The following ENDOD1 variants were observed in gnomAD, a reference collection of about 807,000 sequenced individuals.
The protein encoded by ENDOD1 is endonuclease domain containing 1, also known as endonuclease domain-containing 1 protein.
A neutral mutation model predicts 6.5 loss-of-function variants in ENDOD1; 9 were observed. The ratio of observed to expected loss-of-function variants is 1.39; its 90% CI spans 0.84 to 2.43. ENDOD1 has a LOEUF of 2.43. Ranked by LOEUF, ENDOD1 falls within the 30% of genes most tolerant of loss-of-function variation. The probability of loss-of-function intolerance (pLI) is 0.00; values close to 1 mark genes in which losing one functional copy is unlikely to be tolerated. For synonymous variants in ENDOD1, 255 were observed against 255.2 expected (o/e 1.00, Z 0.01); for missense variants, 648 against 635.5 (o/e 1.02, Z -0.21).
Position 95,129,082 on chromosome 11 carries a change from G to A in ENDOD1, c.1006G>A (p.Ala336Thr). The stretch of plus-strand genomic sequence containing the variant: ...TTTGGGAAAACTCATGGGCTTCATT[G>A]CTACCCCATTCATCAAGCTTTTTCA... ...SFLGKLMGFI[A>T]TPFIKLFQLI... The change falls in exon 2 of 2, where the codon GCT becomes ACT. Residue 336 changes from alanine (A) to threonine (T), a missense_variant. By Grantham distance (58) the Ala-to-Thr change is moderately conservative. Coordinates refer to ENST00000278505, the MANE Select transcript of ENDOD1 (RefSeq NM_015036.3). 3 of 1,614,086 alleles carry A rather than the reference G, an allele frequency of 1.9e-6. No homozygotes were observed. The highest frequency in any genetic ancestry group is 1.1e-5 in the South Asian group (1 of 91,084).
At chr11:95,094,231 ATTATC>A (rs1269762065) in intron 1 of ENDOD1, among the ~76,000 whole-genome samples, 1 of 151,590 alleles carries the variant, frequency 6.6e-6, no homozygotes, top group Non-Finnish European at 1.5e-5. Flanking sequence ...TGAGGTAGAT[ATTATC>A]TTCATTGTAG....
In ENDOD1 at chr11:95,127,138, G is replaced by T. The variant is rs142254749; in HGVS notation, c.301-1239G>T. 5.1e-3 allele frequency among the ~76,000 whole-genome samples: 774 copies of T among 152,320 alleles called. 10 individuals carry two copies. The highest frequency in any genetic ancestry group is 5.2e-3 in the Non-Finnish European group (356 of 68,032). Reference sequence around the variant, plus strand: ...ATAAAGATCAACAAGAATGCCTTGAGATTCTAGTATGTGTCAGGCCTTGGG... The same window carrying T: ...ATAAAGATCAACAAGAATGCCTTGATATTCTAGTATGTGTCAGGCCTTGGG... On this transcript the variant is annotated intron_variant, in intron 1 of 1. Transcript: ENST00000278505.
chr11:95,103,597 C>G (rs1384257989), intron 1 of ENDOD1, among the ~76,000 whole-genome samples: 1 of 152,206 alleles, frequency 6.6e-6, no homozygotes, highest in Non-Finnish European at 1.5e-5. Flanking sequence ...CTCTCTCTCA[C>G]TAGATTGTTA....
intron 1 of ENDOD1, among the ~76,000 whole-genome samples, chr11:95,107,488 G>C (rs1859100780): frequency 6.6e-6 from 1 of 152,126 alleles, no homozygotes. Flanking sequence ...CAATGTAAGG[G>C]ACTCCTCTGA....
At chr11:95,113,374 G>A (rs943596977) in intron 1 of ENDOD1, among the ~76,000 whole-genome samples, 6 of 151,698 alleles carry the variant, frequency 4.0e-5, no homozygotes, top group Admixed American at 1.3e-4. Context: ...CCCATTAACC[G>A]TCTCCACCTC....
In ENDOD1 at chr11:95,095,902, C is replaced by T. The variant is rs572483652; in HGVS notation, c.300+5675C>T. Among the ~76,000 whole-genome samples the T allele has an allele frequency of 2.6e-5, 4 of 152,278 alleles. No individual in the cohort carries two copies. The South Asian group carries it at 8.3e-4, about 32-fold the overall frequency. ...TAACTAAAATGTTAGTTTTTTCTCT[C>T]CAGAATCCAAACTGGCTGACTAGAC... On this transcript the variant is annotated intron_variant, in intron 1 of 1. Coordinates refer to ENST00000278505, the MANE Select transcript of ENDOD1 (RefSeq NM_015036.3).
chr11:95,096,227 C>CTTT (rs10660230), intron 1 of ENDOD1, among the ~76,000 whole-genome samples: 24,738 of 49,938 alleles, frequency 0.5, 10,581 homozygotes, highest in Middle Eastern at 0.61. Context: ...GTCAAGAAAG[C>CTTT]TTTTTTTTTT....
chr11:95,131,107 G>A lies in ENDOD1; in HGVS notation c.*1528G>A, dbSNP rs1025765484. The stretch of plus-strand genomic sequence containing the variant: ...GAGTTACATTTTGCAGAAAAATAGC[G>A]GAGGCACACCCAGAGTAGAACAGCA... On this transcript the variant is annotated 3_prime_UTR_variant, in exon 2 of 2. Coordinates refer to ENST00000278505, the MANE Select transcript of ENDOD1 (RefSeq NM_015036.3). 4 of 152,228 alleles carry A rather than the reference G, an allele frequency of 2.6e-5. No homozygotes were observed. Among genetic ancestry groups the A allele is most frequent in the African/African-American group, 4.8e-5 (2 of 41,448 alleles). The allele number at this position is 152,228 out of a possible 1,614,324, so 9.4% of individuals were successfully genotyped here. A position where few individuals can be genotyped will look rare whatever the true frequency, so the allele number is the denominator to read the frequency against.
chr11:95,095,221 A>G (rs1191901522), intron 1 of ENDOD1, among the ~76,000 whole-genome samples: 1 of 152,256 alleles, frequency 6.6e-6, no homozygotes, highest in Non-Finnish European at 1.5e-5. Flanking sequence ...GAGAGATGAA[A>G]TGTGTGGAAG....
intron 1 of ENDOD1, among the ~76,000 whole-genome samples, chr11:95,113,821 T>G (rs1370213150): frequency 6.6e-6 from 1 of 152,202 alleles, no homozygotes; most frequent in Non-Finnish European, 1.5e-5. Flanking sequence ...TTGTTCTATT[T>G]TAGTTTTTAG....
chr11:95,096,644 T>C (rs1161932679), intron 1 of ENDOD1, among the ~76,000 whole-genome samples: 1 of 152,222 alleles, frequency 6.6e-6, no homozygotes, highest in Non-Finnish European at 1.5e-5. Context: ...TAAGGGCTGA[T>C]TGGTCTTCAG....
intron 1 of ENDOD1, among the ~76,000 whole-genome samples, chr11:95,108,534 C>CACACACAAAAAAAA (rs1176686943): frequency 2.8e-5 from 4 of 141,754 alleles, no homozygotes; most frequent in African/African-American, 1.0e-4. Flanking sequence ...CACAGACACC[C>CACACACAAAAAAAA]AAAAAAAGAA....
Position 95,129,100 on chromosome 11 carries a change from C to T in ENDOD1, c.1024C>T (p.Leu342Phe), listed in dbSNP as rs1565450141. 5.0e-6 allele frequency: 8 copies of T among 1,614,078 alleles called. No homozygotes were observed. The highest frequency in any genetic ancestry group is 5.1e-6 in the Non-Finnish European group (6 of 1,180,014). ...MGFIATPFIK[L>F]FQLIYYLVVA... The stretch of plus-strand genomic sequence containing the variant: ...CTTCATTGCTACCCCATTCATCAAG[C>T]TTTTTCAATTAATTTATTACCTTGT... The change falls in exon 2 of 2, where the codon CTT becomes TTT. Residue 342 changes from leucine (L) to phenylalanine (F), a missense_variant. Coordinates refer to ENST00000278505, the MANE Select transcript of ENDOD1 (RefSeq NM_015036.3).
intron 1 of ENDOD1, among the ~76,000 whole-genome samples, chr11:95,120,836 G>A (rs1859256165): frequency 1.3e-5 from 2 of 152,204 alleles, no homozygotes; most frequent in African/African-American, 4.8e-5. Context: ...GGAAAATCAA[G>A]TTCCAACCAC....
intron 1 of ENDOD1, among the ~76,000 whole-genome samples, chr11:95,115,347 A>T (rs1859197130): frequency 6.7e-6 from 1 of 149,058 alleles, no homozygotes; most frequent in Non-Finnish European, 1.5e-5. Context: ...TTTGTGTCCT[A>T]CAACTTAACT....
chr11:95,127,200 A>C (rs904109722), intron 1 of ENDOD1, among the ~76,000 whole-genome samples: 1 of 152,210 alleles, frequency 6.6e-6, no homozygotes, highest in Non-Finnish European at 1.5e-5. Context: ...TTCTGGTGTC[A>C]AGAATTTACA....
chr11:95,120,442 G>A (rs1162734335), intron 1 of ENDOD1, among the ~76,000 whole-genome samples: 2 of 152,120 alleles, frequency 1.3e-5, no homozygotes, highest in Non-Finnish European at 2.9e-5. Flanking sequence ...CTGGCCCAGT[G>A]TGACTAGAAA....
chr11:95,110,583 ATG>A (rs35270641), intron 1 of ENDOD1, among the ~76,000 whole-genome samples: 149 of 147,572 alleles, frequency 1.0e-3, no homozygotes, highest in East Asian at 4.2e-3. Flanking sequence ...CCGTGTATGT[ATG>A]TGTGTGTGTG....
At chr11:95,105,218 G>A (rs191413692) in intron 1 of ENDOD1, among the ~76,000 whole-genome samples, 6 of 152,070 alleles carry the variant, frequency 3.9e-5, no homozygotes, top group Non-Finnish European at 8.8e-5. Flanking sequence ...GTTGTTTCTT[G>A]GTATCCATGA....
Sources: allele counts gnomAD v4.1 joint callset (sites outside exome capture counted in the v4.1 genomes callset), GRCh38; gene constraint gnomAD v4.1.1; transcripts MANE v1.5; gene names NCBI Gene and HGNC (gene_info 2026-07-23, HGNC 2026-07-21).